The following PHKA2 variants were observed in gnomAD, a reference collection of about 807,000 sequenced individuals.
PHKA2 encodes the protein phosphorylase b kinase regulatory subunit alpha, liver isoform.
PHKA2 carries 31 observed loss-of-function variants against 102.0 expected under a neutral mutation model. The ratio of observed to expected loss-of-function variants is 0.30; its 90% CI spans 0.23 to 0.41. PHKA2 has a LOEUF of 0.41. Ranked by LOEUF, PHKA2 falls within the 10% of genes least tolerant of loss-of-function variation. PHKA2 has a pLI of 1.00. For missense variants in PHKA2, 858 were observed against 1,023.1 expected, an observed-to-expected ratio of 0.84 and a Z score of 2.20; for synonymous variants, 455 against 416.2, an observed-to-expected ratio of 1.09 and a Z score of -1.13.
At chrX:18,898,082 G>A (rs1205944549) in intron 29 of PHKA2, 1 of 112,825 alleles carries the variant, frequency 8.9e-6, no homozygotes, top group Non-Finnish European at 1.9e-5. Context: ...GTTTAGTGGC[G>A]AGGACCTCGC....
In PHKA2 at chrX:18,892,331, GA is replaced by G. The variant is rs2047439032; in HGVS notation, c.*1153del. The G allele has an allele frequency of 8.9e-6, 1 of 112,720 alleles. No individual in the cohort carries two copies. Among genetic ancestry groups the G allele is most frequent in the Non-Finnish European group, 1.9e-5 (1 of 53,354 alleles). 9.3% of individuals were successfully genotyped at this position (112,720 alleles called of 1,213,427 possible). A position where few individuals can be genotyped will look rare whatever the true frequency, so the allele number is the denominator to read the frequency against. On this transcript the variant is annotated 3_prime_UTR_variant, in exon 33 of 33. Transcript: ENST00000379942. ...TGTCTTTCAAGGTTTATTATTTACA[GA>G]AACTGTTTTCCCATTGGTTTTGTTT...
At chrX:18,947,774 T>C (rs2048608278) in intron 5 of PHKA2, among the ~76,000 whole-genome samples, 1 of 111,237 alleles carries the variant, frequency 9.0e-6, no homozygotes, top group Non-Finnish European at 1.9e-5. Context: ...AGTCAACGAG[T>C]AGATAAAGAA....
At chrX:18,908,673 G>A in intron 21 of PHKA2, 128 bp downstream of exon 21, 1 of 587,932 alleles carries the variant, frequency 1.7e-6, no homozygotes, top group East Asian at 3.4e-5. Flanking sequence ...GGCCTTCCCA[G>A]ACATCAAATC....
chrX:18,944,629 C>T (rs1401158664), intron 6 of PHKA2, among the ~76,000 whole-genome samples: 3 of 111,447 alleles, frequency 2.7e-5, no homozygotes, highest in African/African-American at 9.8e-5. Flanking sequence ...TCCCAGTGTC[C>T]CCAATTCCTC....
chrX:18,967,568 G>A (rs1026662934), intron 1 of PHKA2, among the ~76,000 whole-genome samples: 1 of 108,426 alleles, frequency 9.2e-6, no homozygotes, highest in East Asian at 2.9e-4. Flanking sequence ...GATGTGTTTC[G>A]GTGGTCTCTA....
At chrX:18,966,089 T>G (rs1287812029) in intron 1 of PHKA2, among the ~76,000 whole-genome samples, 1 of 103,705 alleles carries the variant, frequency 9.6e-6, no homozygotes, top group African/African-American at 3.8e-5. Flanking sequence ...TTGTTTTTTT[T>G]TTGTTTTTTT....
chrX:18,948,283 G>A (rs2048619377), intron 5 of PHKA2, among the ~76,000 whole-genome samples: 1 of 111,579 alleles, frequency 9.0e-6, no homozygotes, highest in African/African-American at 3.3e-5. Flanking sequence ...AGACCAGCCT[G>A]GCCAACATGG....
At chrX:18,970,783 T>C (rs1649084172) in intron 1 of PHKA2, among the ~76,000 whole-genome samples, 1 of 112,311 alleles carries the variant, frequency 8.9e-6, no homozygotes, top group Admixed American at 9.5e-5. Flanking sequence ...CATAGACCAC[T>C]ACCTAATCAC....
At chrX:18,899,474 T>C (rs922416647) in intron 28 of PHKA2, among the ~76,000 whole-genome samples, 2 of 112,867 alleles carry the variant, frequency 1.8e-5, no homozygotes, top group South Asian at 3.6e-4. Context: ...ACTGTTACCA[T>C]TGAATGTAAA....
chrX:18,926,330 C>T (rs753248885), intron 14 of PHKA2, 123 bp downstream of exon 14: 4 of 611,327 alleles, frequency 6.5e-6, no homozygotes, highest in East Asian at 3.3e-5. Context: ...GCGGTGGAAC[C>T]GCCTGCTTTA....
chrX:18,924,686 G>C (rs1238575785), intron 15 of PHKA2, among the ~76,000 whole-genome samples, 161 bp from the exon 16 acceptor site: 2 of 112,209 alleles, frequency 1.8e-5, no homozygotes, highest in East Asian at 2.8e-4. Flanking sequence ...CTCAAGATCA[G>C]ACAAATCAGT....
rs995000700 is a variant in PHKA2 at position 18,975,516 on chromosome X, G to A, written c.78+8339C>T. ...AGCAGCATGAAAACGGACTAATACA[G>A]ATACCTAACAGACACCTTGAACTTA... On this transcript the variant is annotated intron_variant, in intron 1 of 32. Transcript: ENST00000379942. Among the ~76,000 whole-genome samples, 3 of 111,850 alleles carry A rather than the reference G, an allele frequency of 2.7e-5. No homozygotes were observed. In the Admixed American group the frequency reaches 2.9e-4, roughly 11 times the overall value.
chrX:18,938,549 T>C (rs897999018), intron 10 of PHKA2, 78 bp downstream of exon 10: 25 of 1,022,009 alleles, frequency 2.4e-5, no homozygotes, highest in African/African-American at 7.4e-5. Context: ...AATTCTTGCA[T>C]AACCCTATGT....
chrX:18,924,309 C>T, intron 16 of PHKA2, 72 bp downstream of exon 16: 1 of 1,125,027 alleles, frequency 8.9e-7, no homozygotes, highest in Non-Finnish European at 1.2e-6. Context: ...CCATGGGAGC[C>T]ATTTTAAACA....
chrX:18,934,635 T>A (rs2048365261), intron 11 of PHKA2, among the ~76,000 whole-genome samples: 1 of 112,942 alleles, frequency 8.9e-6, no homozygotes, highest in Non-Finnish European at 1.9e-5. Context: ...TAACACGTAA[T>A]AGTTCCTTTT....
chrX:18,966,526 T>G (rs1309395491), intron 1 of PHKA2, among the ~76,000 whole-genome samples: 6 of 112,201 alleles, frequency 5.3e-5, no homozygotes, highest in Non-Finnish European at 1.1e-4. Context: ...ATGGAGGATT[T>G]GAGCACTTTT....
intron 4 of PHKA2, 142 bp from the exon 5 acceptor site, chrX:18,948,968 T>C (rs779672792): frequency 4.4e-6 from 2 of 457,084 alleles, no homozygotes; most frequent in Non-Finnish European, 8.1e-6. Context: ...AAGTCTTAAG[T>C]AAGGCATAAC....
intron 19 of PHKA2, 96 bp downstream of exon 19, chrX:18,918,585 G>C (rs2048059526): frequency 1.2e-6 from 1 of 867,138 alleles, no homozygotes; most frequent in Non-Finnish European, 1.7e-6. Context: ...GGGGCATTTT[G>C]TTGTCTTCTA....
chrX:18,939,008 A>G (rs1045170512), intron 9 of PHKA2, among the ~76,000 whole-genome samples: 5 of 112,185 alleles, frequency 4.5e-5, no homozygotes, highest in Non-Finnish European at 7.5e-5. Flanking sequence ...AAATAGCAAT[A>G]TGTCTACCAC....
Sources: gnomAD v4.1 joint callset for allele counts (sites outside exome capture counted in the v4.1 genomes callset) on GRCh38, gnomAD v4.1.1 for gene constraint, MANE v1.5 for transcripts, NCBI Gene and HGNC (gene_info 2026-07-23, HGNC 2026-07-21) for gene names.